RNF144A: variants seen among roughly 807,000 people sequenced by gnomAD.
RNF144A encodes E3 ubiquitin-protein ligase RNF144A.
Under a neutral mutation model 38.7 loss-of-function variants are expected in RNF144A, and 11 were observed. That is an observed-to-expected ratio of 0.28 (90% CI 0.18 to 0.47). The LOEUF (loss-of-function observed/expected upper bound fraction) is 0.47. Among genes scored for constraint, RNF144A ranks in the 20% least tolerant of loss-of-function variants. RNF144A has a pLI of 0.99. For synonymous variants in RNF144A, 149 were observed against 143.9 expected, an observed-to-expected ratio of 1.04 and a Z score of -0.25; for missense variants, 316 against 377.2, an observed-to-expected ratio of 0.84 and a Z score of 1.34.
Position 7,014,578 on chromosome 2 carries a change from C to G in RNF144A, c.240+20C>G. On this transcript the variant is annotated intron_variant, in intron 4 of 8. Coordinates refer to ENST00000320892, the MANE Select transcript of RNF144A (RefSeq NM_014746.6). ...AACGAGGCATGTGCAATTGAACAGA[C>G]TGGGCTGTTTGATGTGCACAGGCGT... 1 of 1,577,808 alleles carries G rather than the reference C, an allele frequency of 6.3e-7. No homozygotes were observed. The highest frequency in any genetic ancestry group is 8.7e-7 in the Non-Finnish European group (1 of 1,154,900).
intron 2 of RNF144A, among the ~76,000 whole-genome samples, chr2:6,977,592 T>C (rs1668392934): frequency 1.3e-5 from 2 of 152,254 alleles, no homozygotes; most frequent in African/African-American, 4.8e-5. Flanking sequence ...AAATGATCTC[T>C]GTTACTGGGA....
At position 7,043,363 on chromosome 2, in the gene RNF144A, A is replaced by AT. The variant is rs974132020; in HGVS notation, c.*3610dup. 7.1e-6 allele frequency: 7 copies of AT among 984,570 alleles called. No individual in the cohort carries two copies. The highest frequency in any genetic ancestry group is 5.3e-5 in the African/African-American group (3 of 56,894). 61.0% of individuals were successfully genotyped at this position (984,570 alleles called of 1,614,324 possible). A position where few individuals can be genotyped will look rare whatever the true frequency, so the allele number is the denominator to read the frequency against. On this transcript the variant is annotated 3_prime_UTR_variant, in exon 9 of 9. Transcript: ENST00000320892. ...AAGTCATTTTACAAATTAAAAAAAC[A>AT]TTTTTTTCTTGGTAGTCTTTAAAAA...
chr2:7,021,116 C>T (rs1671501171), intron 6 of RNF144A, among the ~76,000 whole-genome samples: 1 of 152,142 alleles, frequency 6.6e-6, no homozygotes, highest in African/African-American at 2.4e-5. Flanking sequence ...TGGGGAGACA[C>T]TCCCTGGTGG....
At chr2:7,027,132 A>G (rs1248359458) in intron 7 of RNF144A, among the ~76,000 whole-genome samples, 1 of 152,170 alleles carries the variant, frequency 6.6e-6, no homozygotes, top group East Asian at 1.9e-4. Flanking sequence ...GCTTTCTGGC[A>G]CATGCAGACA....
At chr2:7,045,031 A>G (rs1673244670), downstream of RNF144A, among the ~76,000 whole-genome samples, 1 of 152,246 alleles carries the variant, frequency 6.6e-6, no homozygotes, top group Non-Finnish European at 1.5e-5. Context: ...CCCTTCGGCC[A>G]GGCCGGAAGG....
intron 1 of RNF144A, among the ~76,000 whole-genome samples, chr2:6,936,857 G>GTGTT (rs1345159370): frequency 6.6e-6 from 1 of 151,324 alleles, no homozygotes; most frequent in African/African-American, 2.4e-5. Context: ...GTGTGTGTGT[G>GTGTT]TGTGTGTGTG....
At chr2:7,023,539 A>G (rs1671671635) in intron 6 of RNF144A, among the ~76,000 whole-genome samples, 1 of 152,158 alleles carries the variant, frequency 6.6e-6, no homozygotes, top group Non-Finnish European at 1.5e-5. Context: ...AACTCCTCTT[A>G]ACAGTTTATC....
rs146237818 is a variant in RNF144A at position 7,034,701 on chromosome 2, A to C, written c.747+4486A>C. ...AAGAATTATTTCTTGATAATTCAAC[A>C]AGCTGGAATATTCAAGAAAAATAGT... On this transcript the variant is annotated intron_variant, in intron 8 of 8. Coordinates refer to ENST00000320892, the MANE Select transcript of RNF144A (RefSeq NM_014746.6). Among the ~76,000 whole-genome samples the C allele has an allele frequency of 3.7e-3, 560 of 152,372 alleles. 2 individuals carry two copies. The highest frequency in any genetic ancestry group is 0.013 in the African/African-American group (531 of 41,588).
At chr2:6,928,891 T>C (rs1169200552) in intron 1 of RNF144A, among the ~76,000 whole-genome samples, 1 of 152,228 alleles carries the variant, frequency 6.6e-6, no homozygotes, top group African/African-American at 2.4e-5. Context: ...GCCCATCCTC[T>C]TCCTGCCACT....
intron 3 of RNF144A, among the ~76,000 whole-genome samples, chr2:7,009,939 C>G (rs749334245): frequency 1.4e-4 from 21 of 152,212 alleles, no homozygotes; most frequent in Non-Finnish European, 1.2e-4. Context: ...ATCTTTGTGT[C>G]CTTCCATTCA....
intron 2 of RNF144A, among the ~76,000 whole-genome samples, chr2:6,992,297 G>A (rs752969776): frequency 3.9e-5 from 6 of 152,192 alleles, no homozygotes; most frequent in Admixed American, 6.5e-5. Flanking sequence ...AATGAGTCGG[G>A]GTTGGAGCCC....
In RNF144A at chr2:7,040,439, CTGTTA is replaced by C. The variant is rs1257696051; in HGVS notation, c.*681_*685del. The C allele has an allele frequency of 2.0e-5, 20 of 985,274 alleles. No individual in the cohort carries two copies. Among genetic ancestry groups the C allele is most frequent in the Non-Finnish European group, 2.3e-5 (19 of 829,920 alleles). 61.0% of individuals were successfully genotyped at this position (985,274 alleles called of 1,614,324 possible). ...CTTTTTGAACGCTGTAAGCTGTGTA[CTGTTA>C]TAAGTGTGCTTCCTATATTGTTGCA... On this transcript the variant is annotated 3_prime_UTR_variant, in exon 9 of 9. Coordinates refer to ENST00000320892, the MANE Select transcript of RNF144A (RefSeq NM_014746.6).
intron 6 of RNF144A, among the ~76,000 whole-genome samples, chr2:7,065,160 T>G: frequency 6.6e-6 from 1 of 152,252 alleles, no homozygotes; most frequent in Non-Finnish European, 1.5e-5. Flanking sequence ...TCTGATGATG[T>G]AGGTACAATT....
chr2:7,032,799 G>C (rs556670608), intron 8 of RNF144A, among the ~76,000 whole-genome samples: 1 of 152,296 alleles, frequency 6.6e-6, no homozygotes, highest in Non-Finnish European at 1.5e-5. Context: ...GATACTAGGG[G>C]GCTAGAACTT....
intron 3 of RNF144A, among the ~76,000 whole-genome samples, chr2:7,013,823 A>G (rs1163285040): frequency 1.3e-5 from 2 of 152,178 alleles, no homozygotes; most frequent in Non-Finnish European, 2.9e-5. Flanking sequence ...AGTGCCCCCA[A>G]GTAGGTAAGG....
intron 2 of RNF144A, among the ~76,000 whole-genome samples, chr2:6,965,325 C>T (rs1174302082): frequency 6.6e-6 from 1 of 152,062 alleles, no homozygotes; most frequent in African/African-American, 2.4e-5. Flanking sequence ...GCAGTGGTGC[C>T]CTGCAAGGTG....
At chr2:6,934,916 A>G (rs1274067424) in intron 1 of RNF144A, among the ~76,000 whole-genome samples, 1 of 152,146 alleles carries the variant, frequency 6.6e-6, no homozygotes, top group Non-Finnish European at 1.5e-5. Context: ...TATTGTGCAT[A>G]TCACCGCCAA....
At chr2:7,022,166 C>T (rs1332380927) in intron 6 of RNF144A, among the ~76,000 whole-genome samples, 2 of 152,246 alleles carry the variant, frequency 1.3e-5, no homozygotes, top group African/African-American at 2.4e-5. Context: ...TCCCCTGGAA[C>T]TGAGGCTGCC....
rs566152998 is a variant in RNF144A, at chr2:6,926,894, A to G, written c.-212+9272A>G. ...GATTCAAAGACACATTGAGGACTATATAGTGAAGGTGAGGACTTGCAGAGA... is the reference window on the plus strand; with the variant it reads ...GATTCAAAGACACATTGAGGACTATGTAGTGAAGGTGAGGACTTGCAGAGA... On this transcript the variant is annotated intron_variant, in intron 1 of 8. Coordinates refer to ENST00000320892, the MANE Select transcript of RNF144A (RefSeq NM_014746.6). 9.2e-5 allele frequency among the ~76,000 whole-genome samples: 14 copies of G among 152,328 alleles called. No individual in the cohort carries two copies. The South Asian group carries it at 2.9e-3, about 32-fold the overall frequency.
Sources: gnomAD v4.1 joint callset for allele counts (sites outside exome capture counted in the v4.1 genomes callset) on GRCh38, gnomAD v4.1.1 for gene constraint, MANE v1.5 for transcripts, NCBI Gene and HGNC (gene_info 2026-07-23, HGNC 2026-07-21) for gene names.